Variants in ATXN10 observed in about 807,000 individuals in gnomAD.
The protein encoded by ATXN10 is ataxin-10.
In ATXN10, 28 loss-of-function variants were observed where a neutral mutation model predicts 52.9. That is an observed-to-expected ratio of 0.53 (90% CI 0.39 to 0.73). The LOEUF is 0.73. Among genes scored for constraint, ATXN10 ranks in the 30% least tolerant of loss-of-function variants. The pLI is 0.00. For missense variants in ATXN10, 565 were observed against 577.0 expected (o/e 0.98, Z 0.21); for synonymous variants, 226 against 221.5 (o/e 1.02, Z -0.18).
Position 45,684,563 on chromosome 22 carries a change from G to A in ATXN10, c.117-5149G>A, listed in dbSNP as rs748747463. On this transcript the variant is annotated intron_variant, in intron 1 of 11. Transcript: ENST00000252934. This position sits in a 1 kb window ranked among gnomAD's most constrained non-coding sequence, Gnocchi z 4.1. ...AGTTTCCACAAACAGTTTCATTAGA[G>A]CCCAGCCATGTTCACTTGTTTAGGT... Among the ~76,000 whole-genome samples the A allele has an allele frequency of 1.3e-5, 2 of 152,154 alleles. No homozygotes were observed. Among genetic ancestry groups the A allele is most frequent in the African/African-American group, 4.8e-5 (2 of 41,408 alleles).
chr22:45,733,629 G>A lies in ATXN10; in HGVS notation c.894+4039G>A, dbSNP rs911410129. 2.0e-5 allele frequency among the ~76,000 whole-genome samples: 3 copies of A among 151,768 alleles called. No individual in the cohort carries two copies. Among genetic ancestry groups the A allele is most frequent in the East Asian group, 3.9e-4 (2 of 5,140 alleles). On this transcript the variant is annotated intron_variant, in intron 7 of 11. Coordinates refer to ENST00000252934, the MANE Select transcript of ATXN10 (RefSeq NM_013236.4). This position sits in a 1 kb window ranked among gnomAD's most constrained non-coding sequence, Gnocchi z 4.4. Reference sequence around the variant, plus strand: ...CGGATGCCTGTAATCCCAGCTACTCGGGAGGCTGTCCCAGCTACTCGGGAG... The same window carrying A: ...CGGATGCCTGTAATCCCAGCTACTCAGGAGGCTGTCCCAGCTACTCGGGAG...
intron 10 of ATXN10, among the ~76,000 whole-genome samples, chr22:45,809,561 A>G (rs1369612416): frequency 1.3e-5 from 2 of 152,280 alleles, no homozygotes; most frequent in South Asian, 2.1e-4. Flanking sequence ...TGACATGAAC[A>G]TTCAGCTCCT....
At chr22:45,674,374 C>G (rs1922598710) in intron 1 of ATXN10, 1 of 152,266 alleles carries the variant, frequency 6.6e-6, no homozygotes, top group Non-Finnish European at 1.5e-5. Context: ...ATGTGCAGGT[C>G]CTGGCATGGA....
chr22:45,676,675 C>T (rs186471403), intron 1 of ATXN10: 1 of 152,186 alleles, frequency 6.6e-6, no homozygotes, highest in East Asian at 1.9e-4. Flanking sequence ...GACGGGGTTT[C>T]TCCACGTTGG....
At chr22:45,685,273 A>G (rs781523549) in intron 1 of ATXN10, among the ~76,000 whole-genome samples, 3 of 152,208 alleles carry the variant, frequency 2.0e-5, no homozygotes, top group Non-Finnish European at 4.4e-5. Context: ...CTTGAGGGAA[A>G]TGAAATTCTA....
At chr22:45,753,433 A>C (rs1926063340) in intron 9 of ATXN10, among the ~76,000 whole-genome samples, 1 of 96,248 alleles carries the variant, frequency 1.0e-5, no homozygotes, top group Non-Finnish European at 1.9e-5. Flanking sequence ...TTTGAGACAG[A>C]GTCTCGCTCT....
intron 9 of ATXN10, among the ~76,000 whole-genome samples, chr22:45,788,888 A>G (rs1374172734): frequency 6.6e-6 from 1 of 152,068 alleles, no homozygotes; most frequent in Non-Finnish European, 1.5e-5. Flanking sequence ...ACCTCAAATG[A>G]TCCTCCCACC....
At chr22:45,803,146 C>T (rs1260328046) in intron 9 of ATXN10, among the ~76,000 whole-genome samples, 1 of 152,208 alleles carries the variant, frequency 6.6e-6, no homozygotes, top group African/African-American at 2.4e-5. Flanking sequence ...GAAGAAGGCA[C>T]TATCATCCCC....
In ATXN10 at chr22:45,766,535, A is replaced by G. The variant is rs895365623; in HGVS notation, c.1173+25997A>G. Among the ~76,000 whole-genome samples the G allele has an allele frequency of 3.9e-5, 6 of 152,222 alleles. No homozygotes were observed. Among genetic ancestry groups the G allele is most frequent in the African/African-American group, 1.4e-4 (6 of 41,456 alleles). On this transcript the variant is annotated intron_variant, in intron 9 of 11. Transcript: ENST00000252934. This position sits in a 1 kb window ranked among gnomAD's most constrained non-coding sequence, Gnocchi z 4.6. ...TGGATACATCCCTTATAACATAGAC[A>G]TCAGTTTGAATAAACTGTAAATGGC...
rs1924142307 is a variant in ATXN10 at position 45,708,970 on chromosome 22, C to G, written c.647+6123C>G. Among the ~76,000 whole-genome samples the G allele has an allele frequency of 6.6e-6, 1 of 152,152 alleles. No homozygotes were observed. The highest frequency in any genetic ancestry group is 6.5e-5 in the Admixed American group (1 of 15,284). ...TTATTAATCCATTGAACTTTTTACC[C>G]AGTTTCACTACAAAAATGAAGTTAT... On this transcript the variant is annotated intron_variant, in intron 5 of 11. Transcript: ENST00000252934. This position sits in a 1 kb window ranked among gnomAD's most constrained non-coding sequence, Gnocchi z 5.3.
At chr22:45,822,462 C>T (rs1325803239) in intron 10 of ATXN10, among the ~76,000 whole-genome samples, 1 of 151,786 alleles carries the variant, frequency 6.6e-6, no homozygotes, top group Non-Finnish European at 1.5e-5. Context: ...TGCAGTCAGA[C>T]CTCGTAATAT....
chr22:45,822,353 T>G (rs1196357565), intron 10 of ATXN10, among the ~76,000 whole-genome samples: 1 of 152,078 alleles, frequency 6.6e-6, no homozygotes, highest in Admixed American at 6.6e-5. Context: ...ATGTATATCT[T>G]TATCTTAGAT....
chr22:45,803,455 C>T (rs1397574827), intron 9 of ATXN10, among the ~76,000 whole-genome samples: 2 of 152,160 alleles, frequency 1.3e-5, no homozygotes, highest in Admixed American at 1.3e-4. Context: ...CTTGTGAGCC[C>T]CATGCTATAT....
intron 9 of ATXN10, 181 bp downstream of exon 9, chr22:45,740,719 C>CGTGTGTGTGTGTGTGT: frequency 8.8e-6 from 3 of 339,176 alleles, no homozygotes; most frequent in South Asian, 2.9e-5. Context: ...CACACACACA[C>CGTGTGTGTGTGTGTGT]ATATATATAC....
chr22:45,694,110 A>T (rs1923492818), intron 3 of ATXN10, among the ~76,000 whole-genome samples: 1 of 152,194 alleles, frequency 6.6e-6, no homozygotes, highest in Non-Finnish European at 1.5e-5. Flanking sequence ...ATCTAGTGTG[A>T]TGAAAATGGA....
Position 45,762,533 on chromosome 22 carries a change from G to C in ATXN10, c.1173+21995G>C, listed in dbSNP as rs780146849. Among the ~76,000 whole-genome samples the C allele has an allele frequency of 6.6e-6, 1 of 152,158 alleles. No homozygotes were observed. Among genetic ancestry groups the C allele is most frequent in the African/African-American group, 2.4e-5 (1 of 41,430 alleles). On this transcript the variant is annotated intron_variant, in intron 9 of 11. Transcript: ENST00000252934. The surrounding 1 kb of genome is among the most constrained non-coding windows in gnomAD (Gnocchi z 4.3). Reference sequence around the variant, plus strand: ...TTGTGTCTTCCTGGGAGGCTCCCAGGCATGCTCCTGTCTGGCCAGGGTGCT... The same window carrying C: ...TTGTGTCTTCCTGGGAGGCTCCCAGCCATGCTCCTGTCTGGCCAGGGTGCT...
intron 8 of ATXN10, among the ~76,000 whole-genome samples, chr22:45,740,135 A>G (rs1925453182): frequency 6.6e-6 from 1 of 152,198 alleles, no homozygotes; most frequent in Non-Finnish European, 1.5e-5. Flanking sequence ...GGTAGTCATT[A>G]TGGCTTATCT....
chr22:45,823,581 C>T lies in ATXN10; in HGVS notation c.1237+16559C>T, dbSNP rs895885730. On this transcript the variant is annotated intron_variant, in intron 10 of 11. Coordinates refer to ENST00000252934, the MANE Select transcript of ATXN10 (RefSeq NM_013236.4). This position sits in a 1 kb window ranked among gnomAD's most constrained non-coding sequence, Gnocchi z 4.9. ...CCTGTGCTGTATTCTCTGTCCCTGG[C>T]CTGATACTATACTCTTGTAATCATC... 6.6e-6 allele frequency among the ~76,000 whole-genome samples: 1 copy of T among 152,138 alleles called. No individual in the cohort carries two copies. The highest frequency in any genetic ancestry group is 2.4e-5 in the African/African-American group (1 of 41,428).
At chr22:45,680,478 A>C (rs1260683565) in intron 1 of ATXN10, among the ~76,000 whole-genome samples, 1 of 152,160 alleles carries the variant, frequency 6.6e-6, no homozygotes, top group Non-Finnish European at 1.5e-5. Flanking sequence ...AGATTTTCTA[A>C]GTTATATGAG....
Sources: gnomAD v4.1 joint callset for allele counts (sites outside exome capture counted in the v4.1 genomes callset) on GRCh38, gnomAD v4.1.1 for gene constraint, Gnocchi (gnomAD v3.1) non-coding constraint, MANE v1.5 for transcripts, NCBI Gene and HGNC (gene_info 2026-07-23, HGNC 2026-07-21) for gene names.